The following GPAT3 variants were observed in gnomAD, a reference collection of about 807,000 sequenced individuals.
GPAT3 encodes glycerol-3-phosphate acyltransferase 3.
GPAT3 carries 53 observed loss-of-function variants against 58.8 expected under a neutral mutation model. The ratio of observed to expected loss-of-function variants is 0.90; its 90% CI spans 0.72 to 1.13. The LOEUF (loss-of-function observed/expected upper bound fraction) is 1.13. GPAT3 is among the 50% of genes most tolerant of loss of function. The probability of loss-of-function intolerance (pLI) is 0.00; values close to 1 mark genes in which losing one functional copy is unlikely to be tolerated. For synonymous variants in GPAT3, 197 were observed against 187.4 expected (o/e 1.05, Z -0.42); for missense variants, 511 against 527.6 (o/e 0.97, Z 0.31).
At position 83,597,516 on chromosome 4, in the gene GPAT3, G is replaced by C. The variant is rs1487916417; in HGVS notation, c.996+1G>C. On this transcript the variant is annotated splice_donor_variant, in intron 9 of 11. Transcript: ENST00000264409. LOFTEE classifies it high-confidence loss of function. ...AACCATACATCCAGTTGCAATTAAG[G>C]TAAAACAGATACCATAATAAGAATA... 6.6e-7 allele frequency: 1 copy of C among 1,512,838 alleles called. No homozygotes were observed. The highest frequency in any genetic ancestry group is 1.9e-5 in the Admixed American group (1 of 53,178). The allele number at this position is 1,512,838 out of a possible 1,614,324, so 93.7% of individuals were successfully genotyped here. A position where few individuals can be genotyped will look rare whatever the true frequency, so the allele number is the denominator to read the frequency against.
At chr4:83,596,818 CTT>C in intron 7 of GPAT3, 38 bp from the exon 8 acceptor site, 1 of 1,538,848 alleles carries the variant, frequency 6.5e-7, no homozygotes, top group South Asian at 1.1e-5. Context: ...CCACCTCTCT[CTT>C]TATAAAGGCA....
At position 83,551,813 on chromosome 4, in the gene GPAT3, A is replaced by AAAAATCTATCTATCTATCTATCT. The variant is rs768726930; in HGVS notation, c.208+7212_208+7213insAAATCTATCTATCTATCTATCTA. Among the ~76,000 whole-genome samples the AAAAATCTATCTATCTATCTATCT allele has an allele frequency of 3.1e-4, 32 of 102,412 alleles. 1 individual carries two copies. Among genetic ancestry groups the AAAAATCTATCTATCTATCTATCT allele is most frequent in the African/African-American group, 8.4e-4 (18 of 21,496 alleles). 67.2% of individuals were successfully genotyped at this position (102,412 alleles called of 152,430 possible). A position where few individuals can be genotyped will look rare whatever the true frequency, so the allele number is the denominator to read the frequency against. On this transcript the variant is annotated intron_variant, in intron 2 of 11. Coordinates refer to ENST00000264409, the MANE Select transcript of GPAT3 (RefSeq NM_032717.5). ...TCTCGGAAAAAAAAAAAAAAAAAAA[A>AAAAATCTATCTATCTATCTATCT]ATCTATCTATCTATCTATCTATCTA... is the stretch of plus-strand genomic sequence containing the variant.
Position 83,604,986 on chromosome 4 carries a change from G to C in GPAT3, c.*219G>C. The C allele has an allele frequency of 2.4e-6, 1 of 423,536 alleles. No homozygotes were observed. Among genetic ancestry groups the C allele is most frequent in the Non-Finnish European group, 4.2e-6 (1 of 236,260 alleles). The allele number at this position is 423,536 out of a possible 1,614,324, so 26.2% of individuals were successfully genotyped here. A position where few individuals can be genotyped will look rare whatever the true frequency, so the allele number is the denominator to read the frequency against. ...CCCATGGATTGTAAGGTGGTTTACTGAGTTAAAACAGATTCTGCTTTTGTA... is the reference window on the plus strand; with the variant it reads ...CCCATGGATTGTAAGGTGGTTTACTCAGTTAAAACAGATTCTGCTTTTGTA... On this transcript the variant is annotated 3_prime_UTR_variant, in exon 12 of 12. Transcript: ENST00000264409.
At chr4:83,602,454 A>G (rs368438312) in intron 11 of GPAT3, among the ~76,000 whole-genome samples, 1 of 152,168 alleles carries the variant, frequency 6.6e-6, no homozygotes, top group East Asian at 1.9e-4. Flanking sequence ...TCATGTACCT[A>G]TTGGTTATGA....
At chr4:83,585,491 A>C (rs982589480) in intron 3 of GPAT3, among the ~76,000 whole-genome samples, 18 of 152,026 alleles carry the variant, frequency 1.2e-4, no homozygotes, top group Admixed American at 3.3e-4. Flanking sequence ...GATGTTTTAT[A>C]ATGTACATTA....
intron 5 of GPAT3, among the ~76,000 whole-genome samples, chr4:83,588,609 G>A (rs1019849682): frequency 6.6e-6 from 1 of 152,206 alleles, no homozygotes; most frequent in African/African-American, 2.4e-5. Context: ...TATAGGGGAA[G>A]AAATGTAAGC....
chr4:83,579,081 C>CTTTCTTTCTTCCCTT (rs1725993896), intron 2 of GPAT3, among the ~76,000 whole-genome samples: 2 of 19,678 alleles, frequency 1.0e-4, no homozygotes, highest in Non-Finnish European at 1.9e-4. Context: ...TTTCTTTCTT[C>CTTTCTTTCTTCCCTT]CCTTCCTTCC....
intron 2 of GPAT3, among the ~76,000 whole-genome samples, chr4:83,575,938 T>C (rs991837629): frequency 2.0e-5 from 3 of 152,238 alleles, no homozygotes; most frequent in African/African-American, 7.2e-5. Flanking sequence ...TATCCTTTCC[T>C]GATCCCTTAC....
chr4:83,554,010 A>C (rs1312302438), intron 2 of GPAT3, among the ~76,000 whole-genome samples: 2 of 152,098 alleles, frequency 1.3e-5, no homozygotes, highest in Non-Finnish European at 2.9e-5. Context: ...TTATTTAGGG[A>C]GACAGGGTCT....
At chr4:83,547,467 T>C (rs999648289) in intron 2 of GPAT3, among the ~76,000 whole-genome samples, 7 of 151,596 alleles carry the variant, frequency 4.6e-5, no homozygotes, top group Admixed American at 1.3e-4. Context: ...TTAGCCAGGA[T>C]GGTCTCGATC....
intron 1 of GPAT3, among the ~76,000 whole-genome samples, chr4:83,538,341 A>G (rs1391506992): frequency 6.6e-6 from 1 of 152,120 alleles, no homozygotes; most frequent in African/African-American, 2.4e-5. Flanking sequence ...CTTGGGAGCT[A>G]TTTCTCAGTT....
chr4:83,537,307 A>G (rs1724134609), intron 1 of GPAT3, among the ~76,000 whole-genome samples: 1 of 152,182 alleles, frequency 6.6e-6, no homozygotes, highest in Non-Finnish European at 1.5e-5. Flanking sequence ...AGCACTTGAA[A>G]TGCCATTGAA....
chr4:83,550,032 A>T (rs2110075195), intron 2 of GPAT3, among the ~76,000 whole-genome samples: 1 of 150,554 alleles, frequency 6.6e-6, no homozygotes, highest in East Asian at 2.0e-4. Flanking sequence ...CCATTTTTTA[A>T]TTTTTAAATA....
intron 2 of GPAT3, among the ~76,000 whole-genome samples, chr4:83,557,890 T>C (rs111486042): frequency 0.011 from 1,638 of 152,280 alleles, 31 homozygotes; most frequent in African/African-American, 0.038. Flanking sequence ...CTCAGAGTTT[T>C]AAACAATGTA....
chr4:83,592,131 A>T (rs915800548), intron 6 of GPAT3, among the ~76,000 whole-genome samples: 1 of 152,190 alleles, frequency 6.6e-6, no homozygotes, highest in Non-Finnish European at 1.5e-5. Context: ...CAGAAATCAT[A>T]TTCCTCCTGT....
intron 11 of GPAT3, among the ~76,000 whole-genome samples, chr4:83,604,139 T>G (rs377234892): frequency 6.6e-6 from 1 of 152,178 alleles, no homozygotes; most frequent in Non-Finnish European, 1.5e-5. Flanking sequence ...TGGCGTGATC[T>G]CGGCTCACTG....
At chr4:83,581,495 A>T in intron 2 of GPAT3, 67 bp from the exon 3 acceptor site, 1 of 1,522,420 alleles carries the variant, frequency 6.6e-7, no homozygotes, top group Non-Finnish European at 8.9e-7. Flanking sequence ...TACACAGTTA[A>T]AGTTGCCCTT....
chr4:83,542,580 GT>G (rs1386760729), intron 1 of GPAT3, among the ~76,000 whole-genome samples: 2 of 152,174 alleles, frequency 1.3e-5, no homozygotes, highest in African/African-American at 4.8e-5. Context: ...CTTGATGTAC[GT>G]TTTAGGTTAT....
At chr4:83,598,282 C>T in intron 10 of GPAT3, 103 bp downstream of exon 10, 1 of 1,452,120 alleles carries the variant, frequency 6.9e-7, no homozygotes, top group Middle Eastern at 1.8e-4. Flanking sequence ...TCTGCTTTCT[C>T]AGCAAATGGG....
Sources: gnomAD v4.1 joint callset for allele counts (sites outside exome capture counted in the v4.1 genomes callset) on GRCh38, gnomAD v4.1.1 for gene constraint, MANE v1.5 for transcripts, NCBI Gene and HGNC (gene_info 2026-07-23, HGNC 2026-07-21) for gene names.